HDAC9: variants seen among roughly 807,000 people sequenced by gnomAD.
The protein encoded by HDAC9 is histone deacetylase 9.
A neutral mutation model predicts 139.4 loss-of-function variants in HDAC9; 41 were observed. That is an observed-to-expected ratio of 0.29 (90% CI 0.23 to 0.38). The LOEUF (loss-of-function observed/expected upper bound fraction) is 0.38, where lower values mean the gene tolerates loss of function less well. HDAC9 is among the 10% of genes least tolerant of loss of function. HDAC9 has a pLI of 1.00. For synonymous variants in HDAC9, 517 were observed against 476.2 expected, an observed-to-expected ratio of 1.09 and a Z score of -1.12; for missense variants, 1,147 against 1,297.0, an observed-to-expected ratio of 0.88 and a Z score of 1.78.
intron 1 of HDAC9, among the ~76,000 whole-genome samples, chr7:18,313,393 TTC>T: frequency 6.6e-6 from 1 of 152,166 alleles, no homozygotes; most frequent in Non-Finnish European, 1.5e-5. Flanking sequence ...TATAAATTCT[TTC>T]AGAAGTGATT....
At chr7:18,618,364 C>A (rs974240439) in intron 6 of HDAC9, among the ~76,000 whole-genome samples, 1 of 152,058 alleles carries the variant, frequency 6.6e-6, no homozygotes, top group Non-Finnish European at 1.5e-5. Context: ...AGGAGGGTAA[C>A]AAGATGAGGT....
chr7:18,145,469 T>G (rs1786244526), intron 1 of HDAC9, among the ~76,000 whole-genome samples: 1 of 152,168 alleles, frequency 6.6e-6, no homozygotes, highest in Non-Finnish European at 1.5e-5. Context: ...TTAACAGCAT[T>G]TGGTAGTGGA....
intron 16 of HDAC9, among the ~76,000 whole-genome samples, chr7:18,784,366 C>G (rs1016867735): frequency 1.3e-5 from 2 of 151,948 alleles, no homozygotes; most frequent in African/African-American, 4.8e-5. Context: ...GCACACACCA[C>G]CAAAAGCTAG....
rs140133211 is a variant in HDAC9, at chr7:18,734,278, G to A, written c.1909+6521G>A. Among the ~76,000 whole-genome samples the A allele has an allele frequency of 6.3e-3, 963 of 152,194 alleles. 5 individuals are homozygous for A. Among genetic ancestry groups the A allele is most frequent in the Non-Finnish European group, 0.011 (720 of 67,996 alleles). On this transcript the variant is annotated intron_variant, in intron 13 of 25. Coordinates refer to ENST00000686413, the MANE Select transcript of HDAC9 (RefSeq NM_178425.4). ...AAGTTCTAGGGTACATGAGCACAAC[G>A]TGCAGGTTTGATACATAGGTACACA...
chr7:18,101,195 G>A (rs916371605), intron 1 of HDAC9, among the ~76,000 whole-genome samples: 1 of 152,080 alleles, frequency 6.6e-6, no homozygotes, highest in Non-Finnish European at 1.5e-5. Context: ...CCAGTACTCT[G>A]GCCTGTGACA....
rs760139178 is a variant in HDAC9, at chr7:18,935,825, G to C, written c.2820G>C (p.Thr940=). 1.2e-6 allele frequency: 2 copies of C among 1,613,320 alleles called. No homozygotes were observed. Among genetic ancestry groups the C allele is most frequent in the Non-Finnish European group, 1.7e-6 (2 of 1,179,490 alleles). The part of the protein sequence containing the change: ...KVTAKCFGHL[T]KQLMTLADGR... The stretch of plus-strand genomic sequence containing the variant: ...TTATGGTAGGTTTTGGTCATTTGAC[G>C]AAGCAATTGATGACATTGGCTGATG... Residue 940 remains threonine, a synonymous_variant, in exon 23 of 26, where the codon ACG becomes ACC. Coordinates refer to ENST00000686413, the MANE Select transcript of HDAC9 (RefSeq NM_178425.4).
intron 6 of HDAC9, among the ~76,000 whole-genome samples, chr7:18,611,459 A>G (rs1311128079): frequency 1.3e-5 from 2 of 152,138 alleles, no homozygotes; most frequent in African/African-American, 2.4e-5. Flanking sequence ...ACTCTATGCA[A>G]TAATCCTAGA....
At chr7:18,474,203 G>A (rs894951294) in intron 1 of HDAC9, among the ~76,000 whole-genome samples, 1 of 151,778 alleles carries the variant, frequency 6.6e-6, no homozygotes, top group Non-Finnish European at 1.5e-5. Flanking sequence ...AAACAACAAT[G>A]TGGCAAAATG....
At chr7:18,568,026 G>GTGTGTATATATATATATATATATATATA (rs1384273199) in intron 2 of HDAC9, among the ~76,000 whole-genome samples, 1 of 126,812 alleles carries the variant, frequency 7.9e-6, no homozygotes, top group Non-Finnish European at 1.6e-5. Context: ...ATATGTATAT[G>GTGTGTATATATATATATATATATATATA]TATATATATA....
intron 16 of HDAC9, among the ~76,000 whole-genome samples, chr7:18,792,964 A>G (rs940234684): frequency 6.6e-6 from 1 of 152,074 alleles, no homozygotes; most frequent in Non-Finnish European, 1.5e-5. Flanking sequence ...AAGTGCTCTT[A>G]GTTTTTACTC....
chr7:18,765,153 A>T lies in HDAC9; in HGVS notation c.2165-1953A>T, dbSNP rs867255283. On this transcript the variant is annotated intron_variant, in intron 15 of 25. Transcript: ENST00000686413. ...ATAAATCCAGTCAGTTTGGTGAAAT[A>T]AAAGTTTCTTGCCCATTTCTAAATT... Among the ~76,000 whole-genome samples the T allele has an allele frequency of 5.9e-5, 9 of 152,304 alleles. No individual in the cohort carries two copies. In the Middle Eastern group the frequency reaches 0.014, roughly 230 times the overall value.
At chr7:18,941,379 G>T (rs1782018231) in intron 23 of HDAC9, among the ~76,000 whole-genome samples, 1 of 152,080 alleles carries the variant, frequency 6.6e-6, no homozygotes, top group South Asian at 2.1e-4. Context: ...TAAAGATGAC[G>T]TTTTGCTCTA....
At chr7:18,308,095 AAATGTAATTTT>A in intron 1 of HDAC9, among the ~76,000 whole-genome samples, 1 of 152,348 alleles carries the variant, frequency 6.6e-6, no homozygotes, top group Admixed American at 6.5e-5. Context: ...TTTCAAACTC[AAATGTAATTTT>A]AAGAACTTTG....
intron 2 of HDAC9, among the ~76,000 whole-genome samples, chr7:18,272,196 C>G (rs1477413020): frequency 1.3e-5 from 2 of 152,126 alleles, no homozygotes; most frequent in Non-Finnish European, 2.9e-5. Flanking sequence ...TTAACAGTTT[C>G]ATCAAATATT....
chr7:18,158,590 C>G (rs189210933), intron 1 of HDAC9, among the ~76,000 whole-genome samples: 34 of 152,284 alleles, frequency 2.2e-4, no homozygotes, highest in African/African-American at 8.2e-4. Flanking sequence ...CTCTTTACAC[C>G]TCAGATGCCT....
At chr7:18,171,875 G>A (rs544941060) in intron 2 of HDAC9, among the ~76,000 whole-genome samples, 2 of 152,116 alleles carry the variant, frequency 1.3e-5, no homozygotes, top group Admixed American at 6.5e-5. Flanking sequence ...CTTTTGCATC[G>A]ATGTTCATCA....
chr7:18,585,087 A>C lies in HDAC9; in HGVS notation c.23-194A>C, dbSNP rs529971252. On this transcript the variant is annotated intron_variant, in intron 2 of 25. Transcript: ENST00000686413. ...GAGTGCAAATTGCTGAATGAAAATT[A>C]GCCTATGGCCCATTTATCAAAACTA... 3.9e-5 allele frequency among the ~76,000 whole-genome samples: 6 copies of C among 152,346 alleles called. No individual in the cohort carries two copies. The East Asian group carries it at 5.8e-4, about 15-fold the overall frequency.
chr7:18,860,571 C>G (rs1192368895), intron 21 of HDAC9, among the ~76,000 whole-genome samples: 1 of 152,086 alleles, frequency 6.6e-6, no homozygotes, highest in African/African-American at 2.4e-5. Flanking sequence ...ATACTTTGTT[C>G]TGACTTGTGT....
rs572989925 is a variant in HDAC9 at position 18,481,398 on chromosome 7, C to T, written c.-41-14864C>T. Among the ~76,000 whole-genome samples the T allele has an allele frequency of 3.3e-5, 5 of 152,206 alleles. No individual in the cohort carries two copies. The East Asian group carries it at 7.7e-4, about 24-fold the overall frequency. Reference sequence around the variant, plus strand: ...ACTGTTACAGGTCTAATGTTTCCTTCGTGGTGTTCAAAAATTACAAATAAT... The same window carrying T: ...ACTGTTACAGGTCTAATGTTTCCTTTGTGGTGTTCAAAAATTACAAATAAT... On this transcript the variant is annotated intron_variant, in intron 1 of 3. Coordinates refer to the HDAC9 transcript ENST00000413509.
Sources: allele counts gnomAD v4.1 joint callset (sites outside exome capture counted in the v4.1 genomes callset), GRCh38; gene constraint gnomAD v4.1.1; transcripts MANE v1.5; gene names NCBI Gene and HGNC (gene_info 2026-07-23, HGNC 2026-07-21).